TTN: variants seen among roughly 807,000 people sequenced by gnomAD.
TTN encodes the protein connectin.
Under a neutral mutation model 3,223.0 loss-of-function variants are expected in TTN, and 1,525 were observed. The ratio of observed to expected loss-of-function variants is 0.47; its 90% CI spans 0.45 to 0.49. TTN has a LOEUF of 0.49. Ranked by LOEUF, TTN falls within the 20% of genes least tolerant of loss-of-function variation. The pLI is 0.00. For missense variants in TTN, 40,786 were observed against 43,424.0 expected (o/e 0.94, Z 5.40); for synonymous variants, 14,094 against 15,161.0 (o/e 0.93, Z 5.17).
Position 178,562,134 on chromosome 2 carries a change from C to A in TTN, c.83998G>T (p.Gly28000Cys), listed in dbSNP as rs1335831025. ...PQATVNWRKDGQTLKETTRVN... is the reference protein window; with the variant it reads ...PQATVNWRKDCQTLKETTRVN... ...CTAGTTGTCTCTTTAAGAGTCTGAC[C>A]ATCTTTTCTCCAGTTCACAGTAGCT... The change falls in exon 326 of 363, where the codon GGT becomes TGT. Residue 28000 changes from glycine to cysteine, a missense_variant. Gly to Cys is a radical substitution (Grantham distance 159). Transcript: ENST00000589042. The A allele has an allele frequency of 1.2e-6, 2 of 1,612,990 alleles. No individual in the cohort carries two copies. The highest frequency in any genetic ancestry group is 3.3e-5 in the Admixed American group (2 of 59,914).
intron 122 of TTN, 93 bp from the exon 123 acceptor site, chr2:178,689,688 T>C: frequency 7.0e-7 from 1 of 1,434,060 alleles, no homozygotes; most frequent in Non-Finnish European, 9.5e-7. Flanking sequence ...GGACAGACAC[T>C]TTTGTTCAGT....
chr2:178,779,039 C>G lies in TTN; in HGVS notation c.4043G>C (p.Ser1348Thr). ...QMDFLQDGRA[S>T]LRIPVVLPED... ...TGGAAGAACAACAGGTATACGCAGA[C>G]TAGCTCTGCCATCTTGTAGAAAGTC... is the stretch of plus-strand genomic sequence containing the variant. Residue 1348 changes from serine to threonine, a missense_variant, in exon 24 of 363, where the codon AGT (serine) becomes ACT (threonine). Coordinates refer to ENST00000589042, the MANE Select transcript of TTN (RefSeq NM_001267550.2). 1 of 1,614,010 alleles carries G rather than the reference C, an allele frequency of 6.2e-7. No homozygotes were observed. The highest frequency in any genetic ancestry group is 1.1e-5 in the South Asian group (1 of 91,076).
intron 17 of TTN, 129 bp downstream of exon 17, chr2:178,783,591 A>C (rs2092955762): frequency 1.2e-6 from 1 of 838,922 alleles, no homozygotes; most frequent in Non-Finnish European, 1.9e-6. Context: ...ATACGGTCTT[A>C]AAATGAGCAT....
intron 137 of TTN, 96 bp from the exon 138 acceptor site, chr2:178,681,267 A>T: frequency 1.4e-6 from 2 of 1,436,776 alleles, no homozygotes; most frequent in South Asian, 2.5e-5. Flanking sequence ...GAATCAGGAC[A>T]AGAACATCCT....
Position 178,641,224 on chromosome 2 carries a change from G to T in TTN, c.40633+17C>A. 6.8e-7 allele frequency: 1 copy of T among 1,464,848 alleles called. No individual in the cohort carries two copies. The highest frequency in any genetic ancestry group is 9.2e-7 in the Non-Finnish European group (1 of 1,088,138). The allele number at this position is 1,464,848 out of a possible 1,614,324, so 90.7% of individuals were successfully genotyped here. A position where few individuals can be genotyped will look rare whatever the true frequency, so the allele number is the denominator to read the frequency against. On this transcript the variant is annotated intron_variant, in intron 220 of 362. Transcript: ENST00000589042. ...TTGTTAAAAGATAATCTTACAAATTGTCACTGAGATTCCTACCTGCAGGTT... is the reference window on the plus strand; with the variant it reads ...TTGTTAAAAGATAATCTTACAAATTTTCACTGAGATTCCTACCTGCAGGTT...
In TTN at chr2:178,629,336, A is replaced by G; in HGVS notation, c.44389T>C (p.Tyr14797His). ...LSYEDIPVEWYLKGKKLEPSD... is the reference protein window; with the variant it reads ...LSYEDIPVEWHLKGKKLEPSD... The stretch of plus-strand genomic sequence containing the variant: ...GGCTCTAGTTTCTTCCCTTTGAGAT[A>G]CCATTCCACTGGGATATCTTCGTAG... Residue 14797 changes from tyrosine (Y) to histidine (H), a missense_variant, in exon 240 of 363, where the codon TAT (tyrosine) becomes CAT (histidine). Tyr to His is a moderately conservative substitution (Grantham distance 83). Coordinates refer to ENST00000589042, the MANE Select transcript of TTN (RefSeq NM_001267550.2). The G allele has an allele frequency of 6.2e-7, 1 of 1,612,834 alleles. No individual in the cohort carries two copies. Among genetic ancestry groups the G allele is most frequent in the Non-Finnish European group, 8.5e-7 (1 of 1,179,272 alleles).
chr2:178,544,092 C>G lies in TTN; in HGVS notation c.96052G>C (p.Asp32018His), dbSNP rs1275646531. The change falls in exon 346 of 363, where the codon GAT becomes CAT. Residue 32018 changes from aspartate (D) to histidine (H), a missense_variant. Physicochemically the swap from Asp to His is moderately conservative, Grantham distance 81. Coordinates refer to ENST00000589042, the MANE Select transcript of TTN (RefSeq NM_001267550.2). ...RIEIPDLELADDLKKTVTIRA... is the reference protein window; with the variant it reads ...RIEIPDLELAHDLKKTVTIRA... ...ATGGTCACAGTCTTCTTTAGATCAT[C>G]TGCAAGCTCAAGATCTGGTATTTCT... 6.2e-7 allele frequency: 1 copy of G among 1,609,488 alleles called. No homozygotes were observed. The highest frequency in any genetic ancestry group is 2.2e-5 in the East Asian group (1 of 44,796).
intron 2 of TTN, among the ~76,000 whole-genome samples, chr2:178,803,557 T>A: frequency 6.6e-6 from 1 of 151,746 alleles, no homozygotes; most frequent in East Asian, 1.9e-4. Context: ...AAAGAAAGTA[T>A]TATCCAGTTA....
rs754476903 is a variant in TTN at position 178,724,140 on chromosome 2, C to A, written c.21119G>T (p.Arg7040Leu). The change falls in exon 73 of 363, where the codon CGA (arginine) becomes CTA (leucine). Residue 7040 changes from arginine (R) to leucine (L), a missense_variant. Transcript: ENST00000589042. ...SCTAVVDVSD[R>L]AVPPSFTRRL... The stretch of plus-strand genomic sequence containing the variant: ...TCGTGTGAAAGAGGGAGGAACTGCT[C>A]GGTCTGTGTGAGGAAAGGTAAGAGA... 1 of 1,609,456 alleles carries A rather than the reference C, an allele frequency of 6.2e-7. No homozygotes were observed. The highest frequency in any genetic ancestry group is 1.7e-5 in the Admixed American group (1 of 59,778).
rs1357150570 is a variant in TTN at position 178,701,132 on chromosome 2, T to C, written c.30670A>G (p.Lys10224Glu). The change falls in exon 111 of 363, where the codon AAA becomes GAA. Residue 10224 changes from lysine to glutamate, a missense_variant. Coordinates refer to ENST00000589042, the MANE Select transcript of TTN (RefSeq NM_001267550.2). ...TGAGGTATAATACCTTCAATACGTT[T>C]TGGTGGTGGTTTCTTTTCTTCGGGT... Reference protein sequence around the residue: ...PTPEEKKPPPKRIEVTKKAVK... With the variant: ...PTPEEKKPPPERIEVTKKAVK... The C allele has an allele frequency of 2.5e-6, 4 of 1,613,730 alleles. No homozygotes were observed. The highest frequency in any genetic ancestry group is 1.6e-4 in the Middle Eastern group (1 of 6,062).
At chr2:178,559,148 C>T (rs1473710346) in intron 326 of TTN, among the ~76,000 whole-genome samples, 163 bp downstream of exon 326, 1 of 151,940 alleles carries the variant, frequency 6.6e-6, no homozygotes, top group East Asian at 1.9e-4. Context: ...ATGAAAGACT[C>T]TTCACTAGAG....
rs1690729997 is a variant in TTN, at chr2:178,534,858, A to G, written c.101757T>C (p.Tyr33919=). 6.2e-7 allele frequency: 1 copy of G among 1,608,624 alleles called. No individual in the cohort carries two copies. The highest frequency in any genetic ancestry group is 8.5e-7 in the Non-Finnish European group (1 of 1,179,810). The change falls in exon 358 of 363, where the codon TAT becomes TAC. Residue 33919 remains tyrosine (Y), a synonymous_variant. Coordinates refer to ENST00000589042, the MANE Select transcript of TTN (RefSeq NM_001267550.2). The stretch of plus-strand genomic sequence containing the variant: ...GAAGTGCTTCACAGACCTGGTGAAC[A>G]TAACTTACAATTTCTCTTTCATTAA... The part of the protein sequence containing the change: ...FELNEREIVS[Y]VHQVCEALQF...
intron 47 of TTN, chr2:178,750,628 C>T (rs2085194570): frequency 1.2e-6 from 2 of 1,612,742 alleles, no homozygotes; most frequent in Non-Finnish European, 8.5e-7. Context: ...TGTTTTCTTC[C>T]TTCTGTTCGG....
At chr2:178,622,564 G>T in intron 243 of TTN, 106 bp downstream of exon 243, 2 of 787,236 alleles carry the variant, frequency 2.5e-6, no homozygotes, top group Non-Finnish European at 4.1e-6. Flanking sequence ...AAGTAAAGTG[G>T]TGACCAGAGA....
chr2:178,759,111 C>A lies in TTN; in HGVS notation c.10176G>T (p.Met3392Ile), dbSNP rs755671177. ...KKIKPSRFFRMTQFEDTYQLE... is the reference protein window; with the variant it reads ...KKIKPSRFFRITQFEDTYQLE... Reference sequence around the variant, plus strand: ...GTTGATAAGTGTCTTCAAATTGAGTCATTCTAAAGAACCGAGATGGCTTGA... The same window carrying A: ...GTTGATAAGTGTCTTCAAATTGAGTAATTCTAAAGAACCGAGATGGCTTGA... Residue 3392 changes from methionine to isoleucine, a missense_variant, in exon 44 of 363, where the codon ATG becomes ATT. Coordinates refer to ENST00000589042, the MANE Select transcript of TTN (RefSeq NM_001267550.2). 9.3e-6 allele frequency: 15 copies of A among 1,613,854 alleles called. No individual in the cohort carries two copies. Among genetic ancestry groups the A allele is most frequent in the Non-Finnish European group, 2.5e-6 (3 of 1,179,962 alleles).
In TTN at chr2:178,575,269, G is replaced by A. The variant is rs774842328; in HGVS notation, c.70863C>T (p.Pro23621=). Residue 23621 remains proline (P), a synonymous_variant, in exon 326 of 363, where the codon CCC becomes CCT. Transcript: ENST00000589042. The surrounding 1 kb of genome is among the most constrained non-coding windows in gnomAD (Gnocchi z 4.0). ...GCATTGTCTGCTCCTTGACAATGAC[G>A]GGTCTGCTTTCTCTAGGGGCACTTC... ...AGRSAPRESR[P]VIVKEQTMLP... The A allele has an allele frequency of 3.1e-6, 5 of 1,613,128 alleles. No individual in the cohort carries two copies. In the African/African-American group the frequency reaches 4.0e-5, roughly 13 times the overall value.
rs148353350 is a variant in TTN at position 178,591,987 on chromosome 2, C to T, written c.59917G>A (p.Asp19973Asn). ...AGAGAAAGCAACTTACGGAGAGGAT[C>T]CAAAGCCTTGATTGGTTTTGGTGTT... is the stretch of plus-strand genomic sequence containing the variant. ...VETPKPIKAL[D>N]PLHPPGPPKD... The change falls in exon 302 of 363, where the codon GAT (aspartate) becomes AAT (asparagine). Residue 19973 changes from aspartate (D) to asparagine (N), a missense_variant. Coordinates refer to ENST00000589042, the MANE Select transcript of TTN (RefSeq NM_001267550.2). 9 of 1,612,472 alleles carry T rather than the reference C, an allele frequency of 5.6e-6. No individual in the cohort carries two copies. In the South Asian group the frequency reaches 6.6e-5, roughly 12 times the overall value.
At chr2:178,745,875 C>T in intron 47 of TTN, 1 of 1,612,126 alleles carries the variant, frequency 6.2e-7, no homozygotes, top group African/African-American at 1.3e-5. Flanking sequence ...CCTTCCACCA[C>T]CTGAAATTCA....
intron 228 of TTN, 94 bp downstream of exon 228, chr2:178,635,071 T>C: frequency 6.5e-7 from 1 of 1,541,730 alleles, no homozygotes; most frequent in Non-Finnish European, 8.8e-7. Context: ...TTAACTCCAT[T>C]ATTATTAAAG....
Sources: gnomAD v4.1 joint callset for allele counts (sites outside exome capture counted in the v4.1 genomes callset) on GRCh38, gnomAD v4.1.1 for gene constraint, Gnocchi (gnomAD v3.1) non-coding constraint, MANE v1.5 for transcripts, NCBI Gene and HGNC (gene_info 2026-07-23, HGNC 2026-07-21) for gene names.